OPRM1: variants seen among roughly 807,000 people sequenced by gnomAD.
OPRM1 encodes mu-type opioid receptor.
In OPRM1, 27 loss-of-function variants were observed where a neutral mutation model predicts 31.8. The observed-to-expected ratio is 0.85, with a 90% CI of 0.63 to 1.17. The LOEUF is 1.17. Ranked by LOEUF, OPRM1 falls within the 50% of genes most tolerant of loss-of-function variation. The pLI is 0.00. For missense variants in OPRM1, 536 were observed against 511.1 expected, an observed-to-expected ratio of 1.05 and a Z score of -0.47; for synonymous variants, 196 against 189.9, an observed-to-expected ratio of 1.03 and a Z score of -0.26.
At chr6:154,068,566 A>C (rs949038284) in intron 1 of OPRM1, among the ~76,000 whole-genome samples, 21 of 152,298 alleles carry the variant, frequency 1.4e-4, no homozygotes, top group African/African-American at 5.1e-4. Flanking sequence ...GTCGTATCCC[A>C]TTGTGTATAT....
chr6:154,110,391 T>A, intron 3 of OPRM1: 1 of 1,508,914 alleles, frequency 6.6e-7, no homozygotes, highest in Non-Finnish European at 9.0e-7. Context: ...TTTACTCAAC[T>A]GTGAGCATAC....
At chr6:154,142,645 T>C (rs1019168912) in intron 3 of OPRM1, among the ~76,000 whole-genome samples, 1 of 152,176 alleles carries the variant, frequency 6.6e-6, no homozygotes, top group Non-Finnish European at 1.5e-5. Flanking sequence ...CTGGGCCTCT[T>C]CCAAGTGTAC....
chr6:154,031,735 C>T (rs535032643), intron 1 of OPRM1, among the ~76,000 whole-genome samples: 5 of 151,684 alleles, frequency 3.3e-5, no homozygotes, highest in Admixed American at 6.6e-5. Context: ...AGTGAGACTC[C>T]GTCTCGGAAA....
At chr6:154,049,129 G>A (rs1781718358) in intron 1 of OPRM1, among the ~76,000 whole-genome samples, 2 of 152,100 alleles carry the variant, frequency 1.3e-5, no homozygotes, top group African/African-American at 4.8e-5. Context: ...TTGAACTCAT[G>A]GTTAACAGCA....
At position 154,124,529 on chromosome 6, in the gene OPRM1, A is replaced by G. The variant is rs1398535186; in HGVS notation, c.*5808A>G. On this transcript the variant is annotated 3_prime_UTR_variant, in exon 4 of 4. Transcript: ENST00000330432. Reference sequence around the variant, plus strand: ...ATTAATTCCTAGGAATCGCATACCTACGGAAAACAGTCCTCTGACCTCCTG... The same window carrying G: ...ATTAATTCCTAGGAATCGCATACCTGCGGAAAACAGTCCTCTGACCTCCTG... Among the ~76,000 whole-genome samples the G allele has an allele frequency of 6.6e-6, 1 of 152,158 alleles. No homozygotes were observed. The highest frequency in any genetic ancestry group is 1.5e-5 in the Non-Finnish European group (1 of 68,016).
chr6:154,188,175 C>T (rs889552938), intron 3 of OPRM1, among the ~76,000 whole-genome samples: 1 of 151,990 alleles, frequency 6.6e-6, no homozygotes, highest in African/African-American at 2.4e-5. Flanking sequence ...CTTAAAAATG[C>T]ATTTTAAAAA....
At chr6:154,053,629 C>T (rs944797580) in intron 1 of OPRM1, among the ~76,000 whole-genome samples, 2 of 152,116 alleles carry the variant, frequency 1.3e-5, no homozygotes, top group African/African-American at 2.4e-5. Flanking sequence ...TCAATGATTT[C>T]CTTAAGACTC....
intron 3 of OPRM1, 157 bp downstream of exon 3, chr6:154,091,629 A>C: frequency 7.0e-7 from 1 of 1,425,932 alleles, no homozygotes; most frequent in Non-Finnish European, 9.1e-7. Flanking sequence ...GGTTTGTTAT[A>C]TAAACTGTGT....
chr6:154,077,409 T>C (rs995346093), intron 1 of OPRM1, among the ~76,000 whole-genome samples: 2 of 149,094 alleles, frequency 1.3e-5, no homozygotes, highest in Non-Finnish European at 3.0e-5. Context: ...TGAGCCACTA[T>C]GCCCAGCCTT....
chr6:154,087,470 G>A lies in OPRM1; in HGVS notation c.291-2356G>A, dbSNP rs1790874693. The A allele has an allele frequency of 8.1e-6, 8 of 985,456 alleles. No homozygotes were observed. The South Asian group carries it at 3.8e-4, about 46-fold the overall frequency. The allele number at this position is 985,456 out of a possible 1,614,324, so 61.0% of individuals were successfully genotyped here. A position where few individuals can be genotyped will look rare whatever the true frequency, so the allele number is the denominator to read the frequency against. On this transcript the variant is annotated intron_variant, in intron 1 of 3. Transcript: ENST00000330432. ...TAAATCAGAAGCCCAAGGAGGGCCT[G>A]GCTTCAGGTGTGGGGTTCTCTCTCA...
intron 3 of OPRM1, among the ~76,000 whole-genome samples, chr6:154,100,036 T>C (rs1794382444): frequency 2.2e-5 from 2 of 91,566 alleles, no homozygotes; most frequent in East Asian, 1.2e-3. Context: ...TTATATATTA[T>C]CATATGATAT....
intron 3 of OPRM1, among the ~76,000 whole-genome samples, chr6:154,218,584 C>T (rs1033815479): frequency 1.3e-5 from 2 of 152,144 alleles, no homozygotes; most frequent in African/African-American, 4.8e-5. Flanking sequence ...TGGCTTAAAC[C>T]GGCTGCATCA....
At chr6:154,049,357 T>C (rs1426899759) in intron 1 of OPRM1, among the ~76,000 whole-genome samples, 1 of 152,168 alleles carries the variant, frequency 6.6e-6, no homozygotes, top group Admixed American at 6.5e-5. Context: ...GACACGTGTT[T>C]ATAGTACAAG....
intron 3 of OPRM1, among the ~76,000 whole-genome samples, chr6:154,182,890 G>T (rs1202043147): frequency 6.6e-6 from 1 of 152,144 alleles, no homozygotes; most frequent in African/African-American, 2.4e-5. Flanking sequence ...TTCAGGTCAA[G>T]AACAGGGAGG....
At chr6:154,233,389 A>G (rs898435452) in intron 3 of OPRM1, among the ~76,000 whole-genome samples, 1 of 152,166 alleles carries the variant, frequency 6.6e-6, no homozygotes, top group African/African-American at 2.4e-5. Flanking sequence ...AACTTACCAT[A>G]TTCTTCATGT....
At chr6:154,137,175 C>T (rs1798081604), downstream of OPRM1, among the ~76,000 whole-genome samples, 1 of 152,124 alleles carries the variant, frequency 6.6e-6, no homozygotes, top group African/African-American at 2.4e-5. Context: ...ATTACACTAC[C>T]TCCTTCAAAA....
chr6:154,041,344 A>T (rs892740488), intron 1 of OPRM1, among the ~76,000 whole-genome samples: 2 of 152,224 alleles, frequency 1.3e-5, no homozygotes, highest in African/African-American at 4.8e-5. Flanking sequence ...AAAAACATTT[A>T]CTTTAAGTAA....
At chr6:154,226,900 A>G (rs1216758612) in intron 3 of OPRM1, among the ~76,000 whole-genome samples, 2 of 152,168 alleles carry the variant, frequency 1.3e-5, no homozygotes, top group African/African-American at 4.8e-5. Context: ...AAAACAAAGA[A>G]AAAACAATAC....
chr6:154,078,931 T>C (rs1788462809), intron 1 of OPRM1, among the ~76,000 whole-genome samples: 1 of 152,164 alleles, frequency 6.6e-6, no homozygotes, highest in Non-Finnish European at 1.5e-5. Context: ...GCTTATGCCA[T>C]AGGCCATAGA....
Sources: allele counts gnomAD v4.1 joint callset (sites outside exome capture counted in the v4.1 genomes callset), GRCh38; gene constraint gnomAD v4.1.1; transcripts MANE v1.5; gene names NCBI Gene and HGNC (gene_info 2026-07-23, HGNC 2026-07-21).